PTPRT: variants seen among roughly 807,000 people sequenced by gnomAD.
PTPRT encodes receptor-type tyrosine-protein phosphatase T.
In PTPRT, 56 loss-of-function variants were observed where a neutral mutation model predicts 176.8. The ratio of observed to expected loss-of-function variants is 0.32; its 90% CI spans 0.26 to 0.40. The LOEUF is 0.40. Ranked by LOEUF, PTPRT falls within the 10% of genes least tolerant of loss-of-function variation. PTPRT has a pLI of 1.00. For synonymous variants in PTPRT, 783 were observed against 739.0 expected, an observed-to-expected ratio of 1.06 and a Z score of -0.96; for missense variants, 1,540 against 1,908.2, an observed-to-expected ratio of 0.81 and a Z score of 3.60.
At chr20:43,146,414 T>C (rs1374220808) in intron 1 of PTPRT, among the ~76,000 whole-genome samples, 4 of 152,184 alleles carry the variant, frequency 2.6e-5, no homozygotes, top group African/African-American at 4.8e-5. Flanking sequence ...AAGGAGGCCA[T>C]ATGTGAATGC....
At position 43,189,765 on chromosome 20, in the gene PTPRT, C is replaced by T. The variant is rs2015494980; in HGVS notation, c.-32G>A. The T allele has an allele frequency of 8.8e-7, 1 of 1,137,508 alleles. No homozygotes were observed. Among genetic ancestry groups the T allele is most frequent in the Non-Finnish European group, 1.1e-6 (1 of 926,858 alleles). 70.5% of individuals were successfully genotyped at this position (1,137,508 alleles called of 1,614,324 possible). A position where few individuals can be genotyped will look rare whatever the true frequency, so the allele number is the denominator to read the frequency against. ...GGCGGCGGGCAGCTCAGCCCCTTCC[C>T]GCGGGGGCCGGGGCCGGGACTGGGG... is the stretch of plus-strand genomic sequence containing the variant. On this transcript the variant is annotated 5_prime_UTR_variant, in exon 1 of 31. Transcript: ENST00000373187. The surrounding 1 kb of genome is among the most constrained non-coding windows in gnomAD (Gnocchi z 5.0).
intron 7 of PTPRT, among the ~76,000 whole-genome samples, chr20:42,632,111 G>C (rs1167210860): frequency 1.3e-5 from 2 of 152,126 alleles, no homozygotes; most frequent in African/African-American, 4.8e-5. Context: ...CCAAAGCTCA[G>C]GTGAGCTTCC....
chr20:43,012,874 C>T (rs1985196986), intron 1 of PTPRT, among the ~76,000 whole-genome samples: 1 of 152,000 alleles, frequency 6.6e-6, no homozygotes, highest in Non-Finnish European at 1.5e-5. Flanking sequence ...GTCTGTGGTG[C>T]ATCTCATGCC....
At chr20:42,679,892 T>C (rs1569078629) in intron 6 of PTPRT, among the ~76,000 whole-genome samples, 2 of 152,244 alleles carry the variant, frequency 1.3e-5, no homozygotes, top group South Asian at 4.1e-4. Flanking sequence ...CAGTCTGTCT[T>C]ATCTCATGTT....
At position 42,472,266 on chromosome 20, in the gene PTPRT, C is replaced by T. The variant is rs560503250; in HGVS notation, c.1450G>A (p.Val484Ile). 3.1e-6 allele frequency: 5 copies of T among 1,612,904 alleles called. No homozygotes were observed. Among genetic ancestry groups the T allele is most frequent in the East Asian group, 2.2e-5 (1 of 44,864 alleles). ...EELVVQTEED[V>I]PGAVPLESIQ... is the part of the protein sequence containing the mutation. The stretch of plus-strand genomic sequence containing the variant: ...ATGTAAGCTCTCCTCCCTTGCTCAC[C>T]GTCTTCCTCAGTCTGCACCACCAGC... Residue 484 changes from valine to isoleucine, a missense_variant and splice_region_variant, in exon 8 of 31, where the codon GTT becomes ATT. By Grantham distance (29) the Val-to-Ile change is conservative. Transcript: ENST00000373187.
chr20:42,343,732 GC>G (rs2058146003), intron 11 of PTPRT, among the ~76,000 whole-genome samples: 1 of 152,192 alleles, frequency 6.6e-6, no homozygotes, highest in South Asian at 2.1e-4. Flanking sequence ...TTCCTGATGT[GC>G]CCTACACTGG....
intron 1 of PTPRT, among the ~76,000 whole-genome samples, chr20:42,960,641 C>A (rs1981933349): frequency 6.6e-6 from 1 of 152,092 alleles, no homozygotes; most frequent in Admixed American, 6.6e-5. Context: ...TGTTTCCTCT[C>A]CCCCCAGTAT....
In PTPRT at chr20:42,684,099, T is replaced by C. The variant is rs150962275; in HGVS notation, c.860-5940A>G. Among the ~76,000 whole-genome samples, 614 of 152,246 alleles carry C rather than the reference T, an allele frequency of 4.0e-3. 7 individuals carry two copies. In the Middle Eastern group the frequency reaches 0.044, roughly 11 times the overall value. On this transcript the variant is annotated intron_variant, in intron 6 of 30. Transcript: ENST00000373187. ...TGGGAACGGTGACTCATTCCTGTAA[T>C]CCCAGCACATTGGGAGGCCAAGGCA... is the stretch of plus-strand genomic sequence containing the variant.
intron 6 of PTPRT, among the ~76,000 whole-genome samples, chr20:42,688,857 C>A (rs1651750348): frequency 6.6e-6 from 1 of 152,176 alleles, no homozygotes; most frequent in South Asian, 2.1e-4. Flanking sequence ...AGGGCTGACT[C>A]TGCTATGTTT....
At chr20:42,762,350 C>T (rs1417026109) in intron 5 of PTPRT, among the ~76,000 whole-genome samples, 1 of 152,110 alleles carries the variant, frequency 6.6e-6, no homozygotes, top group South Asian at 2.1e-4. Context: ...CTAATTGGTT[C>T]CCTGGTGATG....
chr20:42,225,162 A>C (rs2055976818), intron 15 of PTPRT, among the ~76,000 whole-genome samples: 1 of 152,170 alleles, frequency 6.6e-6, no homozygotes, highest in Non-Finnish European at 1.5e-5. Context: ...AGTTTAAGGA[A>C]CACCATCTAA....
At chr20:42,619,457 C>T (rs1223231930) in intron 7 of PTPRT, among the ~76,000 whole-genome samples, 4 of 125,890 alleles carry the variant, frequency 3.2e-5, no homozygotes, top group Non-Finnish European at 6.4e-5. Flanking sequence ...TTGTGGCATT[C>T]TCTGTATTTC....
chr20:42,572,683 TTAAC>T (rs975229742), intron 7 of PTPRT, among the ~76,000 whole-genome samples: 5 of 152,360 alleles, frequency 3.3e-5, no homozygotes, highest in African/African-American at 1.2e-4. Flanking sequence ...TTACAATTAA[TTAAC>T]TTTTTAATTA....
chr20:42,493,982 G>A (rs904015619), intron 7 of PTPRT, among the ~76,000 whole-genome samples: 2 of 151,976 alleles, frequency 1.3e-5, no homozygotes, highest in Non-Finnish European at 2.9e-5. Flanking sequence ...CTCTCCTGTT[G>A]TCTTCCAGAA....
intron 9 of PTPRT, among the ~76,000 whole-genome samples, chr20:42,429,740 G>A (rs567468121): frequency 1.4e-4 from 21 of 152,312 alleles, no homozygotes; most frequent in African/African-American, 4.8e-4. Flanking sequence ...ATCACAGTAT[G>A]GGGGAATAAA....
chr20:42,460,010 G>A (rs1779034296), intron 8 of PTPRT, among the ~76,000 whole-genome samples: 1 of 152,228 alleles, frequency 6.6e-6, no homozygotes. Flanking sequence ...TAATAAAACA[G>A]AGTTGCCATT....
chr20:42,855,327 A>T (rs2078542190), intron 2 of PTPRT, among the ~76,000 whole-genome samples: 1 of 152,130 alleles, frequency 6.6e-6, no homozygotes, highest in South Asian at 2.1e-4. Flanking sequence ...ATGAACAACA[A>T]AAATATTATT....
At chr20:42,416,043 G>A (rs563887085) in intron 9 of PTPRT, among the ~76,000 whole-genome samples, 1 of 152,298 alleles carries the variant, frequency 6.6e-6, no homozygotes, top group Admixed American at 6.5e-5. Context: ...CATCTGCTCA[G>A]AACCTGGAAT....
At chr20:42,227,554 G>A (rs1050326742) in intron 15 of PTPRT, among the ~76,000 whole-genome samples, 2 of 150,468 alleles carry the variant, frequency 1.3e-5, no homozygotes, top group African/African-American at 4.9e-5. Flanking sequence ...TTCTTTCATA[G>A]GCATCTGTCA....
Sources: gnomAD v4.1 joint callset for allele counts (sites outside exome capture counted in the v4.1 genomes callset) on GRCh38, gnomAD v4.1.1 for gene constraint, Gnocchi (gnomAD v3.1) non-coding constraint, MANE v1.5 for transcripts, NCBI Gene and HGNC (gene_info 2026-07-23, HGNC 2026-07-21) for gene names.